C12orf42: variants seen among roughly 807,000 people sequenced by gnomAD.
C12orf42 encodes the protein uncharacterized protein C12orf42.
In C12orf42, 25 loss-of-function variants were observed where a neutral mutation model predicts 21.6. That is an observed-to-expected ratio of 1.16 (90% CI 0.84 to 1.62). The LOEUF is 1.62. C12orf42 is among the 40% of genes most tolerant of loss of function. The pLI is 0.00. For synonymous variants in C12orf42, 174 were observed against 175.0 expected (o/e 0.99, Z 0.05); for missense variants, 483 against 459.3 (o/e 1.05, Z -0.47).
chr12:103,085,227 C>T, the C12orf42 span, among the ~76,000 whole-genome samples: 1 of 151,966 alleles, frequency 6.6e-6, no homozygotes, highest in Non-Finnish European at 1.5e-5. Context: ...ATGTTTAGAA[C>T]CCACGAGTTC....
rs1056903362 is a variant in C12orf42, at chr12:103,449,811, A to G, written c.78+28538T>C. On this transcript the variant is annotated intron_variant, in intron 2 of 5. Transcript: ENST00000548883. ...TTTTTTTCTAGTTCCATTTGAAAAA[A>G]AAAAAAAAGCATTCACTCAAGTGAA... 2.5e-3 allele frequency among the ~76,000 whole-genome samples: 386 copies of G among 151,756 alleles called. 9 individuals are homozygous for G. Among genetic ancestry groups the G allele is most frequent in the African/African-American group, 8.8e-3 (364 of 41,440 alleles).
chr12:103,514,780 G>A, the C12orf42 span, among the ~76,000 whole-genome samples: 3 of 152,200 alleles, frequency 2.0e-5, no homozygotes, highest in East Asian at 5.8e-4. Context: ...ATCCAAATTG[G>A]CAATTAGAAG....
At chr12:103,059,990 G>A in the C12orf42 span, among the ~76,000 whole-genome samples, 1 of 152,162 alleles carries the variant, frequency 6.6e-6, no homozygotes, top group African/African-American at 2.4e-5. Context: ...GGGCAATCAA[G>A]CAAGAGAAAG....
In C12orf42 at chr12:103,290,801, A is replaced by G. The variant is rs570647453; in HGVS notation, n.338-13591T>C. Among the ~76,000 whole-genome samples the G allele has an allele frequency of 3.3e-5, 5 of 151,974 alleles. No individual in the cohort carries two copies. The South Asian group carries it at 1.0e-3, about 32-fold the overall frequency. On this transcript the variant is annotated intron_variant and non_coding_transcript_variant, in intron 4 of 6. Transcript: ENST00000546526. ...CACGCTATACATTTTTAAGAATTCT[A>G]TTTTCTGGATGCACTTTAGAAAACG... is the stretch of plus-strand genomic sequence containing the variant.
At chr12:103,153,992 A>G in the C12orf42 span, among the ~76,000 whole-genome samples, 1 of 149,782 alleles carries the variant, frequency 6.7e-6, no homozygotes, top group South Asian at 2.2e-4. Flanking sequence ...GGAACAATCT[A>G]CACAGACATA....
At chr12:103,540,538 G>T in the C12orf42 span, among the ~76,000 whole-genome samples, 1 of 152,070 alleles carries the variant, frequency 6.6e-6, no homozygotes, top group African/African-American at 2.4e-5. Flanking sequence ...GCCGTTTCTT[G>T]TTATGCAGTA....
intron 4 of C12orf42, among the ~76,000 whole-genome samples, chr12:103,295,865 A>T (rs904907967): frequency 4.6e-5 from 7 of 151,612 alleles, no homozygotes; most frequent in Non-Finnish European, 7.4e-5. Flanking sequence ...ATTTTTTTAA[A>T]TTTTTTTTTA....
At chr12:103,060,380 C>T in the C12orf42 span, among the ~76,000 whole-genome samples, 13 of 152,210 alleles carry the variant, frequency 8.5e-5, no homozygotes, top group East Asian at 1.9e-4. Context: ...GAATCAATAT[C>T]GTGAAAATGG....
chr12:103,051,200 A>G, the C12orf42 span, among the ~76,000 whole-genome samples: 5 of 152,210 alleles, frequency 3.3e-5, no homozygotes, highest in African/African-American at 7.2e-5. Context: ...AATAAGGTAT[A>G]AGTTAGACCT....
the C12orf42 span, among the ~76,000 whole-genome samples, chr12:103,220,395 T>TA: frequency 2.6e-4 from 39 of 151,744 alleles, no homozygotes; most frequent in African/African-American, 5.1e-4. Flanking sequence ...GTAAGTATAA[T>TA]AAAAAAATAA....
chr12:103,460,692 A>C (rs1952641422), intron 2 of C12orf42, among the ~76,000 whole-genome samples: 1 of 152,326 alleles, frequency 6.6e-6, no homozygotes, highest in Non-Finnish European at 1.5e-5. Flanking sequence ...AATTTCTATG[A>C]AAAAATGTGT....
chr12:103,146,514 GAGAAAGAAAGAAAGAAA>G, the C12orf42 span, among the ~76,000 whole-genome samples: 3 of 116,908 alleles, frequency 2.6e-5, no homozygotes, highest in Non-Finnish European at 5.5e-5. Flanking sequence ...AGAAAAGAAA[GAGAAAGAAAGAAAGAAA>G]AGAAAGAAAG....
the C12orf42 span, among the ~76,000 whole-genome samples, chr12:103,227,123 G>T: frequency 6.6e-6 from 1 of 152,090 alleles, no homozygotes; most frequent in East Asian, 1.9e-4. Context: ...ACAGGCCAAG[G>T]GAGTAGAAGG....
chr12:103,473,229 T>G (rs1953767597), intron 2 of C12orf42, among the ~76,000 whole-genome samples: 1 of 152,236 alleles, frequency 6.6e-6, no homozygotes, highest in African/African-American at 2.4e-5. Context: ...ATAATAATTA[T>G]AATAGTACCT....
the C12orf42 span, among the ~76,000 whole-genome samples, chr12:103,180,954 C>T: frequency 3.3e-5 from 5 of 151,906 alleles, no homozygotes; most frequent in Non-Finnish European, 7.4e-5. Flanking sequence ...ATACTTTGAC[C>T]TAACTAATTT....
intron 4 of C12orf42, among the ~76,000 whole-genome samples, chr12:103,358,602 G>A (rs1593595616): frequency 6.7e-6 from 1 of 149,246 alleles, no homozygotes. Flanking sequence ...CACCCATATT[G>A]TTTCAAACCA....
intron 2 of C12orf42, among the ~76,000 whole-genome samples, chr12:103,411,721 T>C (rs1265527493): frequency 6.6e-6 from 1 of 152,244 alleles, no homozygotes; most frequent in Non-Finnish European, 1.5e-5. Context: ...ATTTGTGCGT[T>C]GATCTTGGAC....
chr12:103,491,570 T>A (rs962912712), intron 1 of C12orf42, among the ~76,000 whole-genome samples: 1 of 152,250 alleles, frequency 6.6e-6, no homozygotes, highest in Non-Finnish European at 1.5e-5. Flanking sequence ...TGGCTTCTCC[T>A]TTTGCTTCCC....
chr12:103,085,716 A>G, the C12orf42 span, among the ~76,000 whole-genome samples: 3 of 152,272 alleles, frequency 2.0e-5, no homozygotes, highest in South Asian at 6.2e-4. Context: ...TATGTGGCTG[A>G]AAGTAGTAGG....
Sources: gnomAD v4.1 joint callset for allele counts (sites outside exome capture counted in the v4.1 genomes callset) on GRCh38, gnomAD v4.1.1 for gene constraint, MANE v1.5 for transcripts, NCBI Gene and HGNC (gene_info 2026-07-23, HGNC 2026-07-21) for gene names.